Variants in EBF4 observed in about 807,000 individuals in gnomAD.
The protein encoded by EBF4 is transcription factor COE4.
In EBF4, 34 loss-of-function variants were observed where a neutral mutation model predicts 67.1. The observed-to-expected ratio is 0.51, with a 90% CI of 0.39 to 0.67. The LOEUF (loss-of-function observed/expected upper bound fraction) is 0.67, where lower values mean the gene tolerates loss of function less well. Among genes scored for constraint, EBF4 ranks in the 30% least tolerant of loss-of-function variants. EBF4 has a pLI of 0.00. For synonymous variants in EBF4, 387 were observed against 377.7 expected (o/e 1.02, Z -0.29); for missense variants, 837 against 873.3 (o/e 0.96, Z 0.52).
chr20:2,711,264 T>G (rs760091815), intron 6 of EBF4, among the ~76,000 whole-genome samples: 4 of 152,188 alleles, frequency 2.6e-5, no homozygotes, highest in Non-Finnish European at 5.9e-5. Flanking sequence ...TCTGGGAGTT[T>G]ACATCAGGAC....
At chr20:2,740,834 C>T (rs918806378) in intron 6 of EBF4, among the ~76,000 whole-genome samples, 9 of 152,104 alleles carry the variant, frequency 5.9e-5, no homozygotes, top group African/African-American at 2.2e-4. Flanking sequence ...GTTGGTCCTC[C>T]TTGTAATGTC....
In EBF4 at chr20:2,706,444, T is replaced by C. The variant is rs544533973; in HGVS notation, c.414+180T>C. Among the ~76,000 whole-genome samples the C allele has an allele frequency of 6.6e-5, 10 of 152,330 alleles. No individual in the cohort carries two copies. In the South Asian group the frequency reaches 1.9e-3, roughly 28 times the overall value. On this transcript the variant is annotated intron_variant, in intron 4 of 16. Transcript: ENST00000609451. ...CGGAGGGTGTGTGGCTTTTGCCCTCTGTTCTAGAAAAGACAATATTTGTAC... is the reference window on the plus strand; with the variant it reads ...CGGAGGGTGTGTGGCTTTTGCCCTCCGTTCTAGAAAAGACAATATTTGTAC...
At position 2,693,639 on chromosome 20, in the gene EBF4, C is replaced by T; in HGVS notation, c.-7C>T. The T allele has an allele frequency of 1.4e-6, 2 of 1,408,936 alleles. No homozygotes were observed. The highest frequency in any genetic ancestry group is 1.5e-5 in the South Asian group (1 of 67,918). 87.3% of individuals were successfully genotyped at this position (1,408,936 alleles called of 1,614,324 possible). A position where few individuals can be genotyped will look rare whatever the true frequency, so the allele number is the denominator to read the frequency against. On this transcript the variant is annotated 5_prime_UTR_variant, in exon 1 of 17. Coordinates refer to ENST00000609451, the Ensembl canonical transcript of EBF4. This position sits in a 1 kb window ranked among gnomAD's most constrained non-coding sequence, Gnocchi z 4.6. ...GCGGCGGGGGCGCTCACTCACCGCG[C>T]GCCCTCATGTTCCCTGCGCAGGACG...
At position 2,755,939 on chromosome 20, in the gene EBF4, CTCT is replaced by C; in HGVS notation, c.1738+120_1738+122del. On this transcript the variant is annotated intron_variant, in intron 15 of 16. Transcript: ENST00000609451. The surrounding 1 kb of genome is among the most constrained non-coding windows in gnomAD (Gnocchi z 4.7). ...CCAGTGCCTCATGCTGGCTAACCTGCTCTTCTTGGAGGACGGAGAGCAGGGAGC... is the reference window on the plus strand; with the variant it reads ...CCAGTGCCTCATGCTGGCTAACCTGCTCTTGGAGGACGGAGAGCAGGGAGC... The C allele has an allele frequency of 9.2e-7, 1 of 1,091,688 alleles. No homozygotes were observed. The highest frequency in any genetic ancestry group is 1.3e-6 in the Non-Finnish European group (1 of 779,912). 67.6% of individuals were successfully genotyped at this position (1,091,688 alleles called of 1,614,324 possible).
chr20:2,757,237 T>C (rs996256216), intron 15 of EBF4, among the ~76,000 whole-genome samples: 1 of 152,174 alleles, frequency 6.6e-6, no homozygotes, highest in Non-Finnish European at 1.5e-5. Context: ...GCTCAGGGCC[T>C]GGGAGAACAA....
chr20:2,750,211 G>A (rs565671551), intron 10 of EBF4, among the ~76,000 whole-genome samples: 60 of 152,130 alleles, frequency 3.9e-4, no homozygotes, highest in African/African-American at 1.4e-3. Context: ...CCCTTCCCCG[G>A]GGCAAAGTCC....
chr20:2,746,550 A>G (rs900283672), intron 6 of EBF4, among the ~76,000 whole-genome samples: 1 of 152,134 alleles, frequency 6.6e-6, no homozygotes, highest in Non-Finnish European at 1.5e-5. Context: ...CCTCAGTTCC[A>G]GGGCTGGTGC....
chr20:2,754,055 C>G (rs936513496), intron 14 of EBF4, among the ~76,000 whole-genome samples: 29 of 152,304 alleles, frequency 1.9e-4, no homozygotes, highest in Admixed American at 1.7e-3. Context: ...GAACCCAGCC[C>G]AGCTGGGGTC....
intron 16 of EBF4, 141 bp from the exon 17 acceptor site, chr20:2,759,127 C>T (rs1007276013): frequency 3.8e-6 from 3 of 797,952 alleles, no homozygotes; most frequent in African/African-American, 1.8e-5. Flanking sequence ...TCTTCCTCCC[C>T]GGGGCCCATC....
At chr20:2,734,778 A>C (rs1164238493) in intron 6 of EBF4, among the ~76,000 whole-genome samples, 3 of 152,240 alleles carry the variant, frequency 2.0e-5, no homozygotes, top group Non-Finnish European at 2.9e-5. Flanking sequence ...ATAAGTGTTC[A>C]ACCCATTGCC....
chr20:2,702,427 CAAA>C (rs11476966), intron 1 of EBF4, among the ~76,000 whole-genome samples: 10 of 138,666 alleles, frequency 7.2e-5, no homozygotes, highest in Non-Finnish European at 7.9e-5. Flanking sequence ...GATCCTGTCT[CAAA>C]AAAAAAAAAA....
chr20:2,733,484 G>A (rs2087841329), intron 6 of EBF4, among the ~76,000 whole-genome samples: 1 of 152,040 alleles, frequency 6.6e-6, no homozygotes. Context: ...AAATTTAGGG[G>A]CATTTTCTTG....
rs986367329 is a variant in EBF4, at chr20:2,739,263, C to T, written c.558-9286C>T. Among the ~76,000 whole-genome samples the T allele has an allele frequency of 1.3e-5, 2 of 152,114 alleles. No individual in the cohort carries two copies. Among genetic ancestry groups the T allele is most frequent in the African/African-American group, 2.4e-5 (1 of 41,416 alleles). On this transcript the variant is annotated intron_variant, in intron 6 of 16. Transcript: ENST00000609451. This position sits in a 1 kb window ranked among gnomAD's most constrained non-coding sequence, Gnocchi z 4.5. ...GGTCCCAACCCCAGGCCCCAAGCCA[C>T]GCTGCCCTCCTCAGTCTTGTCAGGC...
rs1406961797 is a variant in EBF4, at chr20:2,752,067, C to T, written c.1174-19C>T. ...GCGCCCGCGGCTGCCCCGGCCGTGCCCCGCTCTTGTCTTCGCAGGAGCTGC... is the reference window on the plus strand; with the variant it reads ...GCGCCCGCGGCTGCCCCGGCCGTGCTCCGCTCTTGTCTTCGCAGGAGCTGC... On this transcript the variant is annotated intron_variant, in intron 12 of 16. Transcript: ENST00000609451. 1 of 1,453,246 alleles carries T rather than the reference C, an allele frequency of 6.9e-7. No individual in the cohort carries two copies. The highest frequency in any genetic ancestry group is 3.0e-5 in the Admixed American group (1 of 33,790). The allele number at this position is 1,453,246 out of a possible 1,614,324, so 90.0% of individuals were successfully genotyped here. A position where few individuals can be genotyped will look rare whatever the true frequency, so the allele number is the denominator to read the frequency against.
At chr20:2,738,279 A>C (rs1337094149) in intron 6 of EBF4, among the ~76,000 whole-genome samples, 1 of 151,964 alleles carries the variant, frequency 6.6e-6, no homozygotes, top group Non-Finnish European at 1.5e-5. Flanking sequence ...GGAACCCACA[A>C]CTTCTTTCCT....
chr20:2,756,271 G>A lies in EBF4; in HGVS notation c.1738+447G>A, dbSNP rs895402303. On this transcript the variant is annotated intron_variant, in intron 15 of 16. Transcript: ENST00000609451. The surrounding 1 kb of genome is among the most constrained non-coding windows in gnomAD (Gnocchi z 4.5). ...ATGGAAGGGGACTGACCTTAGAAGAGGCTTAGCCCAGCTTCCCTCCCCGCA... is the reference window on the plus strand; with the variant it reads ...ATGGAAGGGGACTGACCTTAGAAGAAGCTTAGCCCAGCTTCCCTCCCCGCA... Among the ~76,000 whole-genome samples, 2 of 152,204 alleles carry A rather than the reference G, an allele frequency of 1.3e-5. No homozygotes were observed. Among genetic ancestry groups the A allele is most frequent in the African/African-American group, 4.8e-5 (2 of 41,458 alleles).
chr20:2,695,809 C>T (rs2087280866), intron 1 of EBF4, among the ~76,000 whole-genome samples: 1 of 152,212 alleles, frequency 6.6e-6, no homozygotes, highest in Admixed American at 6.5e-5. Context: ...CTCTCCCTCT[C>T]ATCTCTGAGA....
chr20:2,722,817 C>T (rs1053071197), intron 6 of EBF4, among the ~76,000 whole-genome samples: 9 of 152,140 alleles, frequency 5.9e-5, no homozygotes, highest in South Asian at 2.1e-4. Context: ...ATGTGGTCTC[C>T]GTTACTCCAT....
At chr20:2,715,300 T>C (rs6051329) in intron 6 of EBF4, among the ~76,000 whole-genome samples, 24,888 of 152,234 alleles carry the variant, frequency 0.16, 2,237 homozygotes, top group East Asian at 0.29. Context: ...CCTTCTGCAA[T>C]GCTCTTTTTA....
Sources: gnomAD v4.1 joint callset for allele counts (sites outside exome capture counted in the v4.1 genomes callset) on GRCh38, gnomAD v4.1.1 for gene constraint, Gnocchi (gnomAD v3.1) non-coding constraint, MANE v1.5 for transcripts, NCBI Gene and HGNC (gene_info 2026-07-23, HGNC 2026-07-21) for gene names.